CUX1: variants seen among roughly 807,000 people sequenced by gnomAD.
The protein encoded by CUX1 is cut like homeobox 1.
A neutral mutation model predicts 158.8 loss-of-function variants in CUX1; 31 were observed. That is an observed-to-expected ratio of 0.20 (90% CI 0.15 to 0.26). The LOEUF (loss-of-function observed/expected upper bound fraction) is 0.26, where lower values mean the gene tolerates loss of function less well. Ranked by LOEUF, CUX1 falls within the 10% of genes least tolerant of loss-of-function variation. CUX1 has a pLI of 1.00. For synonymous variants in CUX1, 879 were observed against 862.1 expected, an observed-to-expected ratio of 1.02 and a Z score of -0.34; for missense variants, 1,589 against 2,014.6, an observed-to-expected ratio of 0.79 and a Z score of 4.04.
intron 20 of CUX1, among the ~76,000 whole-genome samples, chr7:102,212,235 G>A (rs1403978471): frequency 6.6e-6 from 1 of 152,192 alleles, no homozygotes; most frequent in African/African-American, 2.4e-5. Context: ...CTGCACAGAT[G>A]TCAGGGGCAG....
chr7:101,922,920 G>A (rs952886838), intron 2 of CUX1, among the ~76,000 whole-genome samples: 20 of 152,284 alleles, frequency 1.3e-4, no homozygotes, highest in African/African-American at 4.3e-4. Flanking sequence ...TTAGAATCAT[G>A]TATGTGAGCA....
chr7:101,899,445 G>A (rs543619609), intron 1 of CUX1, among the ~76,000 whole-genome samples: 3 of 152,212 alleles, frequency 2.0e-5, no homozygotes, highest in East Asian at 1.9e-4. Context: ...CCAGCTACTC[G>A]GGAGGCTGAG....
chr7:102,017,000 G>C (rs974943599), intron 2 of CUX1, among the ~76,000 whole-genome samples: 2 of 152,256 alleles, frequency 1.3e-5, no homozygotes, highest in African/African-American at 4.8e-5. Context: ...CTTTGCAGCA[G>C]TGTCCATAAA....
rs941912172 is a variant in CUX1 at position 102,254,091 on chromosome 7, C to T, written c.*5049C>T. 37 of 985,262 alleles carry T rather than the reference C, an allele frequency of 3.8e-5. No individual in the cohort carries two copies. Among genetic ancestry groups the T allele is most frequent in the East Asian group, 2.3e-4 (2 of 8,820 alleles). The allele number at this position is 985,262 out of a possible 1,614,324, so 61.0% of individuals were successfully genotyped here. The stretch of plus-strand genomic sequence containing the variant: ...CTTTGTGTGTCTCTCCTTTTGTGAG[C>T]GCAACACGGACAAACAGCTGTGCTC... On this transcript the variant is annotated 3_prime_UTR_variant, in exon 24 of 24. Coordinates refer to ENST00000292535, the MANE Select transcript of CUX1 (RefSeq NM_181552.4).
At chr7:102,185,226 A>T (rs1231983839) in intron 11 of CUX1, among the ~76,000 whole-genome samples, 1 of 152,254 alleles carries the variant, frequency 6.6e-6, no homozygotes, top group East Asian at 1.9e-4. Context: ...AGTAACAAGG[A>T]CAGTAACAGT....
chr7:101,887,365 G>T (rs1246575227), intron 1 of CUX1, among the ~76,000 whole-genome samples: 2 of 151,758 alleles, frequency 1.3e-5, no homozygotes, highest in Admixed American at 6.6e-5. Context: ...ACAGTGCAGT[G>T]GTGTGATTAT....
chr7:101,870,439 G>A (rs62463729), intron 1 of CUX1, among the ~76,000 whole-genome samples: 117 of 152,182 alleles, frequency 7.7e-4, no homozygotes, highest in Non-Finnish European at 1.4e-3. Context: ...CTTAAGTACC[G>A]GGATTACAGG....
At chr7:102,049,652 C>T (rs1418223370) in intron 3 of CUX1, among the ~76,000 whole-genome samples, 1 of 151,522 alleles carries the variant, frequency 6.6e-6, no homozygotes, top group Non-Finnish European at 1.5e-5. Context: ...CCAGCTGGGG[C>T]AACATAGTGA....
At chr7:101,908,247 ACTTCCATTACTG>A (rs1347221066) in intron 1 of CUX1, among the ~76,000 whole-genome samples, 1 of 152,190 alleles carries the variant, frequency 6.6e-6, no homozygotes, top group African/African-American at 2.4e-5. Context: ...GTGTTTTTAC[ACTTCCATTACTG>A]AGCACAGGCT....
At chr7:102,157,092 C>T (rs1789847781) in intron 8 of CUX1, among the ~76,000 whole-genome samples, 1 of 152,152 alleles carries the variant, frequency 6.6e-6, no homozygotes, top group African/African-American at 2.4e-5. Flanking sequence ...TCTTTGGGGT[C>T]CCGCACGAGA....
intron 2 of CUX1, among the ~76,000 whole-genome samples, chr7:102,004,619 G>A (rs1450645252): frequency 6.6e-6 from 1 of 152,132 alleles, no homozygotes; most frequent in African/African-American, 2.4e-5. Context: ...TCATTCCCAG[G>A]TGGAGAAACT....
intron 1 of CUX1, among the ~76,000 whole-genome samples, chr7:101,897,583 C>A (rs572133763): frequency 1.2e-4 from 18 of 152,060 alleles, no homozygotes; most frequent in Non-Finnish European, 2.5e-4. Flanking sequence ...TCTAACAACA[C>A]AATTGGTTAG....
At chr7:102,278,147 G>C (rs562778935) in intron 18 of CUX1, 5 of 1,022,624 alleles carry the variant, frequency 4.9e-6, no homozygotes, top group Middle Eastern at 2.3e-4. Context: ...TGGGAGGGTC[G>C]GGGACCAAGA....
chr7:102,072,281 C>T (rs1826213955), intron 4 of CUX1, among the ~76,000 whole-genome samples: 1 of 152,142 alleles, frequency 6.6e-6, no homozygotes, highest in Non-Finnish European at 1.5e-5. Flanking sequence ...TGGTGTTCAC[C>T]CCATGTAAAT....
intron 2 of CUX1, among the ~76,000 whole-genome samples, chr7:101,941,794 G>A (rs1036730390): frequency 2.7e-4 from 41 of 152,178 alleles, no homozygotes; most frequent in African/African-American, 8.2e-4. Context: ...ATTACCCCAC[G>A]AAAGCCTTTG....
chr7:102,009,173 G>A (rs1179685222), intron 2 of CUX1, among the ~76,000 whole-genome samples: 2 of 152,210 alleles, frequency 1.3e-5, no homozygotes, highest in Non-Finnish European at 2.9e-5. Context: ...GGCCTCAGGT[G>A]CAATGTATAA....
intron 9 of CUX1, among the ~76,000 whole-genome samples, chr7:102,163,034 G>A (rs542985676): frequency 5.3e-4 from 81 of 152,290 alleles, no homozygotes; most frequent in African/African-American, 1.8e-3. Flanking sequence ...CTAGGATTTC[G>A]TGAAGCTACA....
chr7:102,247,891 G>A (rs1183417108), intron 23 of CUX1, among the ~76,000 whole-genome samples: 3 of 152,182 alleles, frequency 2.0e-5, no homozygotes, highest in African/African-American at 4.8e-5. Context: ...AGCACTTTTG[G>A]AGGCCAAGGC....
chr7:101,960,386 G>A (rs1038122353), intron 2 of CUX1: 2 of 152,238 alleles, frequency 1.3e-5, no homozygotes, highest in African/African-American at 4.8e-5. Flanking sequence ...TGTAAGCCCA[G>A]CACTTGAGGA....
Sources: allele counts gnomAD v4.1 joint callset (sites outside exome capture counted in the v4.1 genomes callset), GRCh38; gene constraint gnomAD v4.1.1; transcripts MANE v1.5; gene names NCBI Gene and HGNC (gene_info 2026-07-23, HGNC 2026-07-21).